NELL2: variants seen among roughly 807,000 people sequenced by gnomAD.
NELL2 encodes neural EGFL like 2, also known as protein kinase C-binding protein NELL2.
A neutral mutation model predicts 109.6 loss-of-function variants in NELL2; 41 were observed. The ratio of observed to expected loss-of-function variants is 0.37; its 90% confidence interval spans 0.29 to 0.49. The LOEUF is 0.49. Among genes scored for constraint, NELL2 ranks in the 20% least tolerant of loss-of-function variants. NELL2 has a pLI of 0.98. For synonymous variants in NELL2, 355 were observed against 344.7 expected (o/e 1.03, Z -0.33); for missense variants, 900 against 1,008.3 (o/e 0.89, Z 1.45).
At chr12:44,816,595 C>G (rs1380301208) in intron 2 of NELL2, among the ~76,000 whole-genome samples, 1 of 152,172 alleles carries the variant, frequency 6.6e-6, no homozygotes, top group African/African-American at 2.4e-5. Flanking sequence ...ATGTGCCACC[C>G]TCCACATTGG....
At chr12:44,850,004 C>A (rs545628057) in intron 2 of NELL2, among the ~76,000 whole-genome samples, 13 of 152,240 alleles carry the variant, frequency 8.5e-5, no homozygotes, top group African/African-American at 3.1e-4. Context: ...CAAAGGGGCA[C>A]ATGGAACTTT....
intron 13 of NELL2, among the ~76,000 whole-genome samples, chr12:44,657,111 CT>C (rs1269500968): frequency 6.6e-6 from 1 of 152,060 alleles, no homozygotes; most frequent in African/African-American, 2.4e-5. Flanking sequence ...TTTCTGTAAC[CT>C]TTTGCACCCA....
intron 2 of NELL2, among the ~76,000 whole-genome samples, chr12:44,836,797 T>A (rs1398335494): frequency 1.3e-5 from 2 of 152,134 alleles, no homozygotes; most frequent in African/African-American, 2.4e-5. Flanking sequence ...TTGGGAAATA[T>A]GGGATTAATT....
intron 12 of NELL2, among the ~76,000 whole-genome samples, chr12:44,675,668 C>A (rs2136358431): frequency 6.6e-6 from 1 of 152,068 alleles, no homozygotes; most frequent in East Asian, 1.9e-4. Flanking sequence ...AAGCCAGAAA[C>A]AAATTAAAGA....
intron 15 of NELL2, among the ~76,000 whole-genome samples, chr12:44,588,176 A>T (rs1944611053): frequency 6.6e-6 from 1 of 152,120 alleles, no homozygotes; most frequent in African/African-American, 2.4e-5. Context: ...GTCTCAAAAA[A>T]AAAAAAAAAA....
intron 3 of NELL2, among the ~76,000 whole-genome samples, chr12:44,786,643 T>C (rs1348085849): frequency 2.0e-5 from 3 of 152,256 alleles, no homozygotes; most frequent in South Asian, 2.1e-4. Flanking sequence ...CCATCAATGA[T>C]AGACTGGATA....
chr12:44,576,222 A>T (rs757818578), intron 15 of NELL2, among the ~76,000 whole-genome samples: 76 of 152,286 alleles, frequency 5.0e-4, no homozygotes, highest in Non-Finnish European at 9.6e-4. Flanking sequence ...CTCCCCACGC[A>T]CAACGTGGAT....
chr12:44,792,379 A>G (rs1034847721), intron 3 of NELL2, among the ~76,000 whole-genome samples: 7 of 152,142 alleles, frequency 4.6e-5, no homozygotes, highest in Non-Finnish European at 1.0e-4. Context: ...GAGAAATACT[A>G]TACGTGCTTG....
At chr12:44,653,206 A>G (rs1199889951) in intron 13 of NELL2, among the ~76,000 whole-genome samples, 1 of 152,236 alleles carries the variant, frequency 6.6e-6, no homozygotes, top group Non-Finnish European at 1.5e-5. Context: ...TGTTCCAGGT[A>G]TCATACTAAC....
intron 15 of NELL2, among the ~76,000 whole-genome samples, chr12:44,578,138 G>A (rs957930634): frequency 6.6e-6 from 1 of 151,704 alleles, no homozygotes; most frequent in Non-Finnish European, 1.5e-5. Context: ...ATTTCTCTCT[G>A]ATTCTGTTTG....
intron 19 of NELL2, among the ~76,000 whole-genome samples, chr12:44,509,347 A>T (rs907664819): frequency 6.6e-6 from 1 of 152,174 alleles, no homozygotes; most frequent in Non-Finnish European, 1.5e-5. Context: ...CTAGGGAGAA[A>T]ACTAGTAAGT....
chr12:44,527,836 G>A (rs1372895772), intron 16 of NELL2, among the ~76,000 whole-genome samples: 2 of 152,046 alleles, frequency 1.3e-5, no homozygotes, highest in African/African-American at 4.8e-5. Flanking sequence ...GCTCATGCCT[G>A]TAATCCCAGC....
chr12:44,761,935 A>G (rs1941143185), intron 9 of NELL2, among the ~76,000 whole-genome samples: 1 of 152,206 alleles, frequency 6.6e-6, no homozygotes, highest in Non-Finnish European at 1.5e-5. Flanking sequence ...TATCATGTTC[A>G]GTATTCAGGT....
rs1320210070 is a variant in NELL2, at chr12:44,797,844, GAATGATGGAATAAAA to G, written c.336-17837_336-17823del. On this transcript the variant is annotated intron_variant, in intron 3 of 19. Coordinates refer to ENST00000429094, the MANE Select transcript of NELL2 (RefSeq NM_001145108.2). ...CCATCTAGGAATTCCATCCTAGATG[GAATGATGGAATAAAA>G]CCATTCCATCCTAGATGGAATGATG... Among the ~76,000 whole-genome samples the G allele has an allele frequency of 4.0e-4, 54 of 134,968 alleles. 1 individual carries two copies. The highest frequency in any genetic ancestry group is 6.6e-4 in the Non-Finnish European group (40 of 60,986). The allele number at this position is 134,968 out of a possible 152,430, so 88.5% of individuals were successfully genotyped here.
intron 9 of NELL2, among the ~76,000 whole-genome samples, chr12:44,717,418 G>A (rs1938546496): frequency 6.6e-6 from 1 of 152,084 alleles, no homozygotes; most frequent in South Asian, 2.1e-4. Flanking sequence ...AATTTAATGT[G>A]CTTCATGCCT....
chr12:44,917,401 T>C (rs1945836654), upstream of NELL2, among the ~76,000 whole-genome samples: 2 of 152,186 alleles, frequency 1.3e-5, no homozygotes. Flanking sequence ...TTTCCATATA[T>C]GTAAGAAGAG....
At chr12:44,678,218 T>C (rs79225435) in intron 12 of NELL2, among the ~76,000 whole-genome samples, 1 of 152,046 alleles carries the variant, frequency 6.6e-6, no homozygotes, top group Non-Finnish European at 1.5e-5. Context: ...TAGGCAGTCA[T>C]CACCTTTTGA....
At chr12:44,818,264 A>T (rs1325908564) in intron 2 of NELL2, among the ~76,000 whole-genome samples, 1 of 152,254 alleles carries the variant, frequency 6.6e-6, no homozygotes, top group Non-Finnish European at 1.5e-5. Flanking sequence ...ATTCTAATTT[A>T]TACAGAAGTG....
At chr12:44,889,591 G>T (rs547179785) in intron 1 of NELL2, among the ~76,000 whole-genome samples, 1 of 151,886 alleles carries the variant, frequency 6.6e-6, no homozygotes, top group Non-Finnish European at 1.5e-5. Context: ...TATCATTAGG[G>T]GACAAGTGAC....
Sources: gnomAD v4.1 joint callset for allele counts (sites outside exome capture counted in the v4.1 genomes callset) on GRCh38, gnomAD v4.1.1 for gene constraint, MANE v1.5 for transcripts, NCBI Gene and HGNC (gene_info 2026-07-23, HGNC 2026-07-21) for gene names.